The following MARCHF1 variants were observed in gnomAD, a reference collection of about 807,000 sequenced individuals.
MARCHF1 encodes the protein membrane associated ring-CH-type finger 1, also known as E3 ubiquitin-protein ligase MARCHF1.
A neutral mutation model predicts 54.2 loss-of-function variants in MARCHF1; 40 were observed. That is an observed-to-expected ratio of 0.74 (90% CI 0.57 to 0.96). MARCHF1 has a LOEUF of 0.96. MARCHF1 is among the 40% of genes least tolerant of loss of function. The probability of loss-of-function intolerance (pLI) is 0.00; values close to 1 mark genes in which losing one functional copy is unlikely to be tolerated. For missense variants in MARCHF1, 586 were observed against 656.5 expected, an observed-to-expected ratio of 0.89 and a Z score of 1.17; for synonymous variants, 236 against 236.3, an observed-to-expected ratio of 1.00 and a Z score of 0.01.
intron 1 of MARCHF1, among the ~76,000 whole-genome samples, chr4:164,196,691 TAAAA>T (rs1731268874): frequency 6.6e-6 from 1 of 152,076 alleles, no homozygotes; most frequent in South Asian, 2.1e-4. Flanking sequence ...TGTAAAAAAA[TAAAA>T]AGAGAGAGAG....
chr4:163,829,628 T>C (rs918993843), intron 4 of MARCHF1, among the ~76,000 whole-genome samples: 4 of 152,176 alleles, frequency 2.6e-5, no homozygotes, highest in Non-Finnish European at 4.4e-5. Context: ...GAAGACAATA[T>C]TGAAGACTGC....
chr4:164,236,756 A>C (rs1371832167), intron 1 of MARCHF1, among the ~76,000 whole-genome samples: 1 of 152,190 alleles, frequency 6.6e-6, no homozygotes, highest in African/African-American at 2.4e-5. Context: ...ACTGAGAATA[A>C]TGAAGACTGA....
chr4:164,225,754 C>T (rs1732234297), intron 1 of MARCHF1, among the ~76,000 whole-genome samples: 2 of 151,990 alleles, frequency 1.3e-5, no homozygotes, highest in Non-Finnish European at 2.9e-5. Context: ...CAAAATGGTA[C>T]AACCATGTTG....
At chr4:163,722,485 G>A (rs2111295526) in intron 4 of MARCHF1, among the ~76,000 whole-genome samples, 1 of 152,338 alleles carries the variant, frequency 6.6e-6, no homozygotes, top group Admixed American at 6.5e-5. Flanking sequence ...GCGATGTGGT[G>A]CTGAGAATAA....
intron 3 of MARCHF1, among the ~76,000 whole-genome samples, chr4:163,950,856 T>A (rs1334786834): frequency 6.6e-6 from 1 of 152,202 alleles, no homozygotes; most frequent in Non-Finnish European, 1.5e-5. Flanking sequence ...TCTAAAGAAA[T>A]CCATTCTTCC....
intron 1 of MARCHF1, among the ~76,000 whole-genome samples, chr4:164,356,865 T>C (rs1476327678): frequency 6.7e-6 from 1 of 149,430 alleles, no homozygotes; most frequent in African/African-American, 2.5e-5. Context: ...ATATTAGTGG[T>C]TTATCATGCT....
intron 2 of MARCHF1, among the ~76,000 whole-genome samples, chr4:163,998,989 T>C (rs1046476760): frequency 5.9e-5 from 9 of 151,702 alleles, no homozygotes; most frequent in Non-Finnish European, 1.0e-4. Context: ...CTAGATCATA[T>C]GGTAGTTACA....
chr4:164,176,044 G>A (rs529130842), intron 1 of MARCHF1, among the ~76,000 whole-genome samples: 1 of 152,230 alleles, frequency 6.6e-6, no homozygotes, highest in African/African-American at 2.4e-5. Context: ...GGATAAAAAT[G>A]ATTTTAAATA....
intron 4 of MARCHF1, among the ~76,000 whole-genome samples, chr4:163,704,663 A>G (rs1029570587): frequency 1.3e-5 from 2 of 151,726 alleles, no homozygotes; most frequent in African/African-American, 4.8e-5. Flanking sequence ...CAAAGGAATG[A>G]AAACTCTGAA....
At chr4:164,067,094 G>A (rs1190004891) in intron 2 of MARCHF1, among the ~76,000 whole-genome samples, 1 of 152,064 alleles carries the variant, frequency 6.6e-6, no homozygotes, top group East Asian at 1.9e-4. Flanking sequence ...CCCCTAAGAG[G>A]TTTTGGTATG....
At chr4:164,216,030 G>A (rs1190742694) in intron 1 of MARCHF1, among the ~76,000 whole-genome samples, 1 of 152,114 alleles carries the variant, frequency 6.6e-6, no homozygotes, top group Non-Finnish European at 1.5e-5. Context: ...TATAATTCTT[G>A]AGGCCACCTG....
At chr4:164,089,999 A>G (rs1365745883) in intron 2 of MARCHF1, among the ~76,000 whole-genome samples, 1 of 151,648 alleles carries the variant, frequency 6.6e-6, no homozygotes, top group Non-Finnish European at 1.5e-5. Context: ...TAATAAAATA[A>G]TGTCTTAGAA....
intron 3 of MARCHF1, among the ~76,000 whole-genome samples, chr4:163,895,423 G>C (rs1210578578): frequency 6.6e-6 from 1 of 152,198 alleles, no homozygotes; most frequent in African/African-American, 2.4e-5. Context: ...ATGTTTGGCA[G>C]ATGATAAGCA....
intron 4 of MARCHF1, among the ~76,000 whole-genome samples, chr4:163,832,489 C>A (rs1385872568): frequency 1.3e-5 from 2 of 152,034 alleles, no homozygotes; most frequent in Non-Finnish European, 2.9e-5. Context: ...GTTATTATAA[C>A]TCATTTAGCA....
intron 1 of MARCHF1, among the ~76,000 whole-genome samples, chr4:164,237,550 T>C (rs1732598856): frequency 6.6e-6 from 1 of 152,078 alleles, no homozygotes; most frequent in African/African-American, 2.4e-5. Flanking sequence ...CATGCACATA[T>C]GCACACACAC....
intron 4 of MARCHF1, among the ~76,000 whole-genome samples, chr4:163,758,840 G>A (rs1231298223): frequency 6.6e-6 from 1 of 151,838 alleles, no homozygotes; most frequent in Non-Finnish European, 1.5e-5. Flanking sequence ...CTTTGATATT[G>A]AACATATTAT....
intron 7 of MARCHF1, among the ~76,000 whole-genome samples, 168 bp from the exon 8 acceptor site, chr4:163,586,097 C>T (rs554992644): frequency 1.3e-3 from 202 of 152,270 alleles, no homozygotes; most frequent in Non-Finnish European, 2.6e-3. Flanking sequence ...ATGATCAATA[C>T]GGATTGAGCA....
chr4:164,168,006 T>C (rs1730424433), intron 1 of MARCHF1, among the ~76,000 whole-genome samples: 1 of 151,984 alleles, frequency 6.6e-6, no homozygotes, highest in African/African-American at 2.4e-5. Flanking sequence ...GAAAACATAT[T>C]TGTAAAACAA....
intron 3 of MARCHF1, among the ~76,000 whole-genome samples, chr4:163,939,620 G>A (rs924060355): frequency 6.6e-6 from 1 of 152,126 alleles, no homozygotes; most frequent in African/African-American, 2.4e-5. Context: ...CAAACCAAAT[G>A]TTAGCAACTA....
Sources: allele counts gnomAD v4.1 joint callset (sites outside exome capture counted in the v4.1 genomes callset), GRCh38; gene constraint gnomAD v4.1.1; transcripts MANE v1.5; gene names NCBI Gene and HGNC (gene_info 2026-07-23, HGNC 2026-07-21).